PHGR1: variants seen among roughly 807,000 people sequenced by gnomAD.
PHGR1 encodes proline, histidine and glycine-rich protein 1.
PHGR1 carries 3 observed loss-of-function variants against 4.9 expected under a neutral mutation model. The ratio of observed to expected loss-of-function variants is 0.61; its 90% CI spans 0.28 to 1.58. The LOEUF is 1.58. Ranked by LOEUF, PHGR1 falls within the 40% of genes most tolerant of loss-of-function variation. The pLI is 0.11. For missense variants in PHGR1, 81 were observed against 118.7 expected (o/e 0.68, Z 1.48); for synonymous variants, 32 against 46.1 (o/e 0.69, Z 1.24).
intron 3 of PHGR1, among the ~76,000 whole-genome samples, chr15:40,355,125 T>C (rs1260228315): frequency 1.3e-5 from 2 of 150,714 alleles, no homozygotes; most frequent in East Asian, 3.9e-4. Context: ...AGAAGCAAGG[T>C]GGTATCTCTT....
At chr15:40,354,220 G>A in intron 2 of PHGR1, 125 bp from the exon 3 acceptor site, 1 of 972,828 alleles carries the variant, frequency 1.0e-6, no homozygotes, top group Non-Finnish European at 1.5e-6. Flanking sequence ...GACCATGTCT[G>A]AGAGGCCCTG....
chr15:40,353,134 TGTGTGTGTGTGTGCGC>T, intron 1 of PHGR1, 82 bp from the exon 2 acceptor site: 2 of 910,822 alleles, frequency 2.2e-6, no homozygotes, highest in Non-Finnish European at 1.7e-6. Context: ...TGTGTGTGTG[TGTGTGTGTGTGTGCGC>T]GCGCGCGCGC....
At chr15:40,355,497 C>T (rs1889278811) in intron 3 of PHGR1, among the ~76,000 whole-genome samples, 2 of 152,160 alleles carry the variant, frequency 1.3e-5, no homozygotes, top group Non-Finnish European at 2.9e-5. Context: ...CACATACACA[C>T]TACCTATAAA....
Position 40,356,274 on chromosome 15 carries a change from G to A in PHGR1, c.220G>A (p.Gly74Ser), listed in dbSNP as rs1325993006. ...PCGPPPGHGP[G>S]HPPPGPHH ...CGGGCCTCCCCCTGGCCATGGCCCA[G>A]GTCACCCACCCCCTGGTCCACATCA... The change falls in exon 4 of 4, where the codon GGT (glycine) becomes AGT (serine). Residue 74 changes from glycine to serine, a missense_variant. Transcript: ENST00000448599. 6.5e-7 allele frequency: 1 copy of A among 1,548,226 alleles called. No individual in the cohort carries two copies. Among genetic ancestry groups the A allele is most frequent in the African/African-American group, 1.4e-5 (1 of 72,506 alleles).
chr15:40,353,146 T>TGTGTGTGTGTGC lies in PHGR1; in HGVS notation c.-26-85_-26-84insTGTGTGTGTGCG, dbSNP rs56132408. 191 of 776,168 alleles carry TGTGTGTGTGTGC rather than the reference T, an allele frequency of 2.5e-4. 1 individual carries two copies. The highest frequency in any genetic ancestry group is 3.3e-4 in the Admixed American group (13 of 39,226). The allele number at this position is 776,168 out of a possible 1,614,324, so 48.1% of individuals were successfully genotyped here. A position where few individuals can be genotyped will look rare whatever the true frequency, so the allele number is the denominator to read the frequency against. ...GTGTGTGTGTGTGTGTGTGTGTGTG[T>TGTGTGTGTGTGC]GCGCGCGCGCGCGCATCCGTGGGAG... On this transcript the variant is annotated intron_variant, in intron 1 of 3. Coordinates refer to ENST00000448599, the MANE Select transcript of PHGR1 (RefSeq NM_001145643.2).
chr15:40,351,554 G>C (rs2141253896), intron 1 of PHGR1, among the ~76,000 whole-genome samples: 1 of 152,274 alleles, frequency 6.6e-6, no homozygotes, highest in Non-Finnish European at 1.5e-5. Flanking sequence ...AAGGACCATG[G>C]GTATAGTTCA....
chr15:40,351,839 C>T (rs1280641525), intron 1 of PHGR1, among the ~76,000 whole-genome samples: 1 of 152,138 alleles, frequency 6.6e-6, no homozygotes, highest in African/African-American at 2.4e-5. Flanking sequence ...CGGGTTCAAG[C>T]GATTCTTCTG....
intron 2 of PHGR1, 63 bp downstream of exon 2, chr15:40,353,330 G>A (rs1422740970): frequency 1.3e-6 from 2 of 1,548,306 alleles, no homozygotes; most frequent in Admixed American, 2.0e-5. Flanking sequence ...AGCGGTAAAG[G>A]CAGGGACTAT....
chr15:40,354,066 C>A (rs937681772), intron 2 of PHGR1, among the ~76,000 whole-genome samples: 2 of 152,190 alleles, frequency 1.3e-5, no homozygotes, highest in Admixed American at 1.3e-4. Flanking sequence ...GAGACAAGAA[C>A]CCATACCTCC....
At chr15:40,351,708 T>TAGGCTACATAGTGAGACC (rs1156470772) in intron 1 of PHGR1, among the ~76,000 whole-genome samples, 1 of 152,050 alleles carries the variant, frequency 6.6e-6, no homozygotes, top group Non-Finnish European at 1.5e-5. Context: ...CACTTGAGCC[T>TAGGCTACATAGTGAGACC]AGGCTACATA....
chr15:40,356,333 G>A lies in PHGR1; in HGVS notation c.*30G>A, dbSNP rs1467747520. 1.3e-6 allele frequency: 2 copies of A among 1,549,714 alleles called. No homozygotes were observed. Among genetic ancestry groups the A allele is most frequent in the Admixed American group, 3.9e-5 (2 of 50,974 alleles). ...GTAGAAGAAAACAGGACACAAGATG[G>A]CAAGCCTGAGAGAATTGCCCAGCTG... On this transcript the variant is annotated 3_prime_UTR_variant, in exon 4 of 4. Transcript: ENST00000448599.
At position 40,353,745 on chromosome 15, in the gene PHGR1, A is replaced by T. The variant is rs150999505; in HGVS notation, c.10+478A>T. Reference sequence around the variant, plus strand: ...GGTGGGTGCTGCAGGAGCCCAGTGGACCCACAGCTGGGCAGCCTGGATGGC... The same window carrying T: ...GGTGGGTGCTGCAGGAGCCCAGTGGTCCCACAGCTGGGCAGCCTGGATGGC... On this transcript the variant is annotated intron_variant, in intron 2 of 3. Coordinates refer to ENST00000448599, the MANE Select transcript of PHGR1 (RefSeq NM_001145643.2). 1,385 of 183,350 alleles carry T rather than the reference A, an allele frequency of 7.6e-3. 14 individuals carry two copies. Among genetic ancestry groups the T allele is most frequent in the African/African-American group, 0.031 (1,325 of 42,466 alleles). 11.4% of individuals were successfully genotyped at this position (183,350 alleles called of 1,614,324 possible).
At chr15:40,353,134 TGTGTGTGTGTGTGC>T in intron 1 of PHGR1, 84 bp from the exon 2 acceptor site, 4 of 910,814 alleles carry the variant, frequency 4.4e-6, no homozygotes, top group East Asian at 5.6e-5. Flanking sequence ...TGTGTGTGTG[TGTGTGTGTGTGTGC>T]GCGCGCGCGC....
At chr15:40,353,403 G>A in intron 2 of PHGR1, 136 bp downstream of exon 2, 1 of 1,106,666 alleles carries the variant, frequency 9.0e-7, no homozygotes, top group Non-Finnish European at 1.3e-6. Flanking sequence ...TGAAGGCAGT[G>A]GTAGGGGTCC....
chr15:40,355,926 G>T, intron 3 of PHGR1, 147 bp from the exon 4 acceptor site: 2 of 826,258 alleles, frequency 2.4e-6, no homozygotes, highest in Non-Finnish European at 4.0e-6. Flanking sequence ...CACGGGACAT[G>T]CTACCCATGC....
chr15:40,354,839 T>G (rs1256083725), intron 3 of PHGR1, among the ~76,000 whole-genome samples: 1 of 152,036 alleles, frequency 6.6e-6, no homozygotes, highest in East Asian at 1.9e-4. Flanking sequence ...AGGCCTGGTC[T>G]GTGTGCCAAC....
At chr15:40,355,626 C>T (rs906538190) in intron 3 of PHGR1, among the ~76,000 whole-genome samples, 1 of 151,940 alleles carries the variant, frequency 6.6e-6, no homozygotes, top group African/African-American at 2.4e-5. Flanking sequence ...CTCCTGTCTC[C>T]CCCTGCCCCT....
At chr15:40,351,635 G>C (rs1889208509) in intron 1 of PHGR1, among the ~76,000 whole-genome samples, 1 of 152,190 alleles carries the variant, frequency 6.6e-6, no homozygotes, top group Non-Finnish European at 1.5e-5. Context: ...AAGAGGTGCA[G>C]GGGGCCGGGT....
chr15:40,353,248 C>T lies in PHGR1; in HGVS notation c.-10C>T. Reference sequence around the variant, plus strand: ...TGAACACAGGTATTCCCTGCTCTTACTCCAAAAAGATGGACCCAGGTAAGC... The same window carrying T: ...TGAACACAGGTATTCCCTGCTCTTATTCCAAAAAGATGGACCCAGGTAAGC... On this transcript the variant is annotated 5_prime_UTR_variant, in exon 2 of 4. Coordinates refer to ENST00000448599, the MANE Select transcript of PHGR1 (RefSeq NM_001145643.2). 6.4e-7 allele frequency: 1 copy of T among 1,551,470 alleles called. No homozygotes were observed. Among genetic ancestry groups the T allele is most frequent in the Non-Finnish European group, 8.7e-7 (1 of 1,146,862 alleles).
Sources: gnomAD v4.1 joint callset for allele counts (sites outside exome capture counted in the v4.1 genomes callset) on GRCh38, gnomAD v4.1.1 for gene constraint, MANE v1.5 for transcripts, NCBI Gene and HGNC (gene_info 2026-07-23, HGNC 2026-07-21) for gene names.